The following TRPC5 variants were observed in gnomAD, a reference collection of about 807,000 sequenced individuals.
TRPC5 encodes transient receptor potential cation channel subfamily C member 5.
In TRPC5, 9 loss-of-function variants were observed where a neutral mutation model predicts 56.5. The observed-to-expected ratio is 0.16, with a 90% CI of 0.10 to 0.28. The LOEUF is 0.28. Ranked by LOEUF, TRPC5 falls within the 10% of genes least tolerant of loss-of-function variation. The probability of loss-of-function intolerance (pLI) is 1.00; values close to 1 mark genes in which losing one functional copy is unlikely to be tolerated. For synonymous variants in TRPC5, 282 were observed against 278.5 expected (o/e 1.01, Z -0.13); for missense variants, 469 against 748.9 (o/e 0.63, Z 4.36).
chrX:111,776,514 A>G lies in TRPC5; in HGVS notation c.2721T>C (p.Gly907=). The change falls in exon 11 of 11, where the codon GGT becomes GGC. Residue 907 remains glycine (G), a synonymous_variant. Transcript: ENST00000262839. ...SEINLSEVEL[G]EVQGAAQSSE... is the part of the protein sequence containing the mutation. ...TGCTCTGAGCAGCGCCCTGGACTTC[A>G]CCTAATTCTACCTCACTGAGGTTAA... 8.3e-7 allele frequency: 1 copy of G among 1,210,619 alleles called. No homozygotes were observed. Among genetic ancestry groups the G allele is most frequent in the African/African-American group, 1.7e-5 (1 of 57,718 alleles).
chrX:111,809,509 C>T (rs1921629624), intron 7 of TRPC5, among the ~76,000 whole-genome samples: 1 of 111,957 alleles, frequency 8.9e-6, no homozygotes, highest in Admixed American at 9.5e-5. Flanking sequence ...CAGATTCTGT[C>T]TCCATGCCAT....
chrX:111,884,797 G>A (rs1023852827), intron 3 of TRPC5, among the ~76,000 whole-genome samples: 8 of 112,979 alleles, frequency 7.1e-5, no homozygotes, highest in African/African-American at 2.6e-4. Context: ...CCTAGACAAA[G>A]CATGGTTAAG....
chrX:112,081,043 T>C lies in TRPC5; in HGVS notation c.-22+836A>G, dbSNP rs1386186422. ...CTATCTTTCAGGCTGGTTTCCCCGC[T>C]TCAGGCTTTTCCTGAGGGAGTAATA... On this transcript the variant is annotated intron_variant, in intron 1 of 10. Coordinates refer to ENST00000262839, the MANE Select transcript of TRPC5 (RefSeq NM_012471.3). 8.9e-5 allele frequency among the ~76,000 whole-genome samples: 10 copies of C among 112,252 alleles called. No individual in the cohort carries two copies. The Admixed American group carries it at 9.4e-4, about 11-fold the overall frequency.
At chrX:111,976,123 C>A (rs1280619682) in intron 1 of TRPC5, among the ~76,000 whole-genome samples, 1 of 111,432 alleles carries the variant, frequency 9.0e-6, no homozygotes, top group East Asian at 2.8e-4. Context: ...TGATAAAACT[C>A]AACAAAATGA....
intron 7 of TRPC5, among the ~76,000 whole-genome samples, chrX:111,790,773 C>A (rs1946013314): frequency 9.1e-6 from 1 of 110,398 alleles, no homozygotes; most frequent in Non-Finnish European, 1.9e-5. Flanking sequence ...GGAATCCCAG[C>A]ACTTTGGGAG....
intron 6 of TRPC5, among the ~76,000 whole-genome samples, chrX:111,844,591 A>G (rs1922871104): frequency 9.4e-6 from 1 of 105,843 alleles, no homozygotes; most frequent in East Asian, 3.0e-4. Flanking sequence ...TCAGCCTCCC[A>G]AGTAGCTGGG....
Position 111,852,428 on chromosome X carries a change from C to A in TRPC5, c.1247G>T (p.Trp416Leu), listed in dbSNP as rs1262644016. 8.3e-7 allele frequency: 1 copy of A among 1,206,655 alleles called. No homozygotes were observed. The highest frequency in any genetic ancestry group is 2.2e-5 in the Admixed American group (1 of 45,449). The change falls in exon 5 of 11, where the codon TGG becomes TTG. Residue 416 changes from tryptophan to leucine, a missense_variant. Physicochemically the swap from Trp to Leu is moderately conservative, Grantham distance 61. Around this residue, in one of 3 missense-constraint regions of TRPC5, gnomAD observed 157 missense variants for 360.0 expected, o/e 0.44. Transcript: ENST00000262839. ...MILPWVLGFI[W>L]GEIKEMWDGG... ...ATCCCACATTTCCTTAATCTCACCCCAAATGAAACCTGAAGAATGGAGGAA... is the reference window on the plus strand; with the variant it reads ...ATCCCACATTTCCTTAATCTCACCCAAAATGAAACCTGAAGAATGGAGGAA...
intron 1 of TRPC5, among the ~76,000 whole-genome samples, chrX:111,994,916 T>A (rs1928478245): frequency 8.9e-6 from 1 of 111,760 alleles, no homozygotes; most frequent in African/African-American, 3.2e-5. Context: ...GCCTGATTGC[T>A]AATTGAATAC....
intron 1 of TRPC5, among the ~76,000 whole-genome samples, chrX:112,008,068 T>C (rs1206941076): frequency 8.9e-6 from 1 of 111,761 alleles, no homozygotes; most frequent in East Asian, 2.8e-4. Context: ...CTCCACTATA[T>C]CCAAGGTGAA....
intron 2 of TRPC5, 121 bp from the exon 3 acceptor site, chrX:111,912,933 G>C: frequency 1.3e-6 from 1 of 789,817 alleles, no homozygotes; most frequent in Non-Finnish European, 1.8e-6. Context: ...CAATTCTTTT[G>C]ACCTCCTAAA....
intron 3 of TRPC5, among the ~76,000 whole-genome samples, chrX:111,894,870 C>T (rs1331008601): frequency 9.0e-6 from 1 of 111,463 alleles, no homozygotes; most frequent in African/African-American, 3.3e-5. Flanking sequence ...TCCTCATATC[C>T]CTTCCCAGTC....
rs1002083295 is a variant in TRPC5 at position 111,775,244 on chromosome X, G to T, written c.*1069C>A. The T allele has an allele frequency of 9.0e-6, 1 of 111,400 alleles. No homozygotes were observed. Among genetic ancestry groups the T allele is most frequent in the African/African-American group, 3.3e-5 (1 of 30,602 alleles). The allele number at this position is 111,400 out of a possible 1,213,427, so 9.2% of individuals were successfully genotyped here. On this transcript the variant is annotated 3_prime_UTR_variant, in exon 11 of 11. Transcript: ENST00000262839. ...ATATTAAAACTGCAACCTGAATTAG[G>T]TTATCTATACCTAAAGTTGCCATTT...
At chrX:111,862,786 A>G (rs1278580177) in intron 3 of TRPC5, among the ~76,000 whole-genome samples, 1 of 112,293 alleles carries the variant, frequency 8.9e-6, no homozygotes, top group Non-Finnish European at 1.9e-5. Flanking sequence ...CATTTTAACA[A>G]TATGAAGTCT....
intron 1 of TRPC5, among the ~76,000 whole-genome samples, chrX:112,066,685 A>C (rs990804199): frequency 1.8e-5 from 2 of 112,577 alleles, no homozygotes; most frequent in Non-Finnish European, 3.7e-5. Flanking sequence ...TATAGTCTTT[A>C]TCTCAGAGGG....
intron 1 of TRPC5, among the ~76,000 whole-genome samples, chrX:112,014,001 C>T (rs755626397): frequency 8.9e-6 from 1 of 111,924 alleles, no homozygotes; most frequent in Non-Finnish European, 1.9e-5. Flanking sequence ...GTTCTAAAAC[C>T]GGTTCTCAAG....
At chrX:111,981,778 A>G (rs1233963945) in intron 1 of TRPC5, among the ~76,000 whole-genome samples, 1 of 111,943 alleles carries the variant, frequency 8.9e-6, no homozygotes, top group African/African-American at 3.3e-5. Flanking sequence ...TACATTTTAT[A>G]TTTCATGATA....
At chrX:111,966,330 A>G (rs1927574743) in intron 1 of TRPC5, among the ~76,000 whole-genome samples, 1 of 111,831 alleles carries the variant, frequency 8.9e-6, no homozygotes, top group African/African-American at 3.3e-5. Context: ...AATTGTGGCA[A>G]TAATCAATAG....
intron 3 of TRPC5, among the ~76,000 whole-genome samples, chrX:111,905,779 G>C (rs973840715): frequency 9.1e-6 from 1 of 109,556 alleles, no homozygotes; most frequent in Non-Finnish European, 1.9e-5. Flanking sequence ...GCTGGGCGTG[G>C]TGGCGGGCGC....
rs369519270 is a variant in TRPC5 at position 111,964,847 on chromosome X, C to T, written c.-21-12406G>A. On this transcript the variant is annotated intron_variant, in intron 1 of 10. Transcript: ENST00000262839. ...AAGCACTAAACATGGAAAGGAACAA[C>T]CGGTACCAGCCACTGCAAAAACATG... Among the ~76,000 whole-genome samples, 4 of 111,864 alleles carry T rather than the reference C, an allele frequency of 3.6e-5. No homozygotes were observed. In the East Asian group the frequency reaches 1.1e-3, roughly 31 times the overall value.
Sources: gnomAD v4.1 joint callset for allele counts (sites outside exome capture counted in the v4.1 genomes callset) on GRCh38, gnomAD v4.1.1 for gene constraint, gnomAD v4.1.1 regional missense constraint, MANE v1.5 for transcripts, NCBI Gene and HGNC (gene_info 2026-07-23, HGNC 2026-07-21) for gene names.